Variants in LRRC7 observed in about 807,000 individuals in gnomAD.
LRRC7 encodes the protein leucine rich repeat containing 7.
In LRRC7, 23 loss-of-function variants were observed where a neutral mutation model predicts 175.7. The observed-to-expected ratio is 0.13, with a 90% CI of 0.09 to 0.19. The LOEUF (loss-of-function observed/expected upper bound fraction) is 0.19, where lower values mean the gene tolerates loss of function less well. LRRC7 is among the 10% of genes least tolerant of loss of function. The pLI is 1.00. For synonymous variants in LRRC7, 685 were observed against 680.9 expected (o/e 1.01, Z -0.09); for missense variants, 1,354 against 1,904.7 (o/e 0.71, Z 5.38).
intron 5 of LRRC7, 69 bp from the exon 6 acceptor site, chr1:69,834,711 T>A (rs1406340029): frequency 6.3e-6 from 7 of 1,105,076 alleles, no homozygotes; most frequent in South Asian, 1.3e-5. Flanking sequence ...TCCTCAGAGA[T>A]ACATATTTTT....
intron 1 of LRRC7, among the ~76,000 whole-genome samples, chr1:69,616,885 A>G (rs1649714599): frequency 6.6e-6 from 1 of 152,070 alleles, no homozygotes; most frequent in African/African-American, 2.4e-5. Flanking sequence ...ATCAAACTTC[A>G]ATGTTTTGAA....
chr1:69,763,438 C>T (rs974998731), intron 3 of LRRC7, among the ~76,000 whole-genome samples: 4 of 151,992 alleles, frequency 2.6e-5, no homozygotes, highest in African/African-American at 4.8e-5. Flanking sequence ...ATCTCATTGG[C>T]GTTAATTGTG....
intron 7 of LRRC7, among the ~76,000 whole-genome samples, chr1:69,871,536 C>T (rs1021194459): frequency 5.3e-5 from 8 of 151,816 alleles, no homozygotes; most frequent in South Asian, 4.2e-4. Context: ...AAAATATAGT[C>T]GAGTATTTAA....
Position 69,703,354 on chromosome 1 carries a change from T to TA in LRRC7, c.100+24878dup, listed in dbSNP as rs1663615560. ...CTAGTTTTACTTCATTTCATAAAAG[T>TA]AATACTATAGTTTTACATTTCTATG... On this transcript the variant is annotated intron_variant, in intron 2 of 26. Transcript: ENST00000651989. 2.0e-5 allele frequency among the ~76,000 whole-genome samples: 3 copies of TA among 152,186 alleles called. No individual in the cohort carries two copies. In the South Asian group the frequency reaches 6.2e-4, roughly 31 times the overall value.
chr1:69,926,709 G>C (rs1053389704), intron 7 of LRRC7, among the ~76,000 whole-genome samples: 1 of 152,002 alleles, frequency 6.6e-6, no homozygotes, highest in Admixed American at 6.6e-5. Flanking sequence ...TTCTCTGCAC[G>C]TGAGATGGGT....
intron 2 of LRRC7, among the ~76,000 whole-genome samples, chr1:69,724,186 T>C (rs1457536168): frequency 2.0e-5 from 3 of 152,194 alleles, no homozygotes; most frequent in Non-Finnish European, 4.4e-5. Context: ...TACTCATCTC[T>C]TAATATTGTC....
chr1:70,023,395 TAGG>T, intron 17 of LRRC7, 21 bp downstream of exon 17: 1 of 1,537,466 alleles, frequency 6.5e-7, no homozygotes, highest in Non-Finnish European at 8.8e-7. Flanking sequence ...GTGTCTGGGG[TAGG>T]AGAATCTCCC....
At chr1:69,963,268 T>A (rs997308786) in intron 8 of LRRC7, among the ~76,000 whole-genome samples, 2 of 148,646 alleles carry the variant, frequency 1.3e-5, no homozygotes, top group Non-Finnish European at 3.0e-5. Context: ...TCTGGGCCAC[T>A]GTACTCCAGC....
At chr1:69,897,269 G>A (rs1646005928) in intron 7 of LRRC7, among the ~76,000 whole-genome samples, 1 of 152,110 alleles carries the variant, frequency 6.6e-6, no homozygotes, top group African/African-American at 2.4e-5. Context: ...TCTTTTATGT[G>A]TATATATGCT....
At chr1:69,626,185 C>T (rs751686773) in intron 1 of LRRC7, among the ~76,000 whole-genome samples, 4 of 152,090 alleles carry the variant, frequency 2.6e-5, no homozygotes, top group Non-Finnish European at 5.9e-5. Context: ...TAGGGTGTAA[C>T]CCTCAGGAAC....
intron 2 of LRRC7, among the ~76,000 whole-genome samples, chr1:69,733,687 C>T (rs1431704851): frequency 6.6e-6 from 1 of 151,978 alleles, no homozygotes; most frequent in Non-Finnish European, 1.5e-5. Context: ...ACTATCAAAC[C>T]ATTCTTTGCT....
intron 7 of LRRC7, chr1:69,873,861 A>G (rs1051264531): frequency 1.9e-5 from 3 of 153,982 alleles, no homozygotes; most frequent in Non-Finnish European, 4.3e-5. Context: ...AATTGATTTC[A>G]CTATTTGTTA....
chr1:69,822,755 C>T (rs769699757), intron 4 of LRRC7, among the ~76,000 whole-genome samples: 27 of 152,156 alleles, frequency 1.8e-4, no homozygotes, highest in African/African-American at 5.5e-4. Context: ...AACTATTCTC[C>T]GTACTATCTT....
intron 7 of LRRC7, among the ~76,000 whole-genome samples, chr1:69,906,168 A>G (rs1646302586): frequency 6.6e-6 from 1 of 152,234 alleles, no homozygotes; most frequent in Non-Finnish European, 1.5e-5. Context: ...GCGCTTTGTC[A>G]GATGAGTAGG....
At chr1:69,892,548 G>A (rs1645867226) in intron 7 of LRRC7, among the ~76,000 whole-genome samples, 1 of 152,170 alleles carries the variant, frequency 6.6e-6, no homozygotes, top group Admixed American at 6.5e-5. Context: ...GAAATCGTAT[G>A]AATTACGACT....
intron 26 of LRRC7, among the ~76,000 whole-genome samples, chr1:70,113,054 A>G (rs1166543663): frequency 6.6e-6 from 1 of 152,204 alleles, no homozygotes; most frequent in Non-Finnish European, 1.5e-5. Context: ...AGGGGGAGAC[A>G]GCGAGCAAGA....
At chr1:69,862,083 G>T (rs1007861412) in intron 7 of LRRC7, among the ~76,000 whole-genome samples, 1 of 152,168 alleles carries the variant, frequency 6.6e-6, no homozygotes, top group Non-Finnish European at 1.5e-5. Context: ...GCACTGTCTA[G>T]CTTGGATGGT....
chr1:69,764,222 T>C (rs1371880531), intron 3 of LRRC7, among the ~76,000 whole-genome samples: 1 of 151,954 alleles, frequency 6.6e-6, no homozygotes, highest in Non-Finnish European at 1.5e-5. Context: ...TTGCTTGTTA[T>C]TTTGAATTAG....
chr1:69,891,233 G>A (rs1013752491), intron 7 of LRRC7, among the ~76,000 whole-genome samples: 2 of 152,152 alleles, frequency 1.3e-5, no homozygotes, highest in African/African-American at 4.8e-5. Flanking sequence ...CCTTTCACTT[G>A]AACACTTAGA....
Sources: allele counts gnomAD v4.1 joint callset (sites outside exome capture counted in the v4.1 genomes callset), GRCh38; gene constraint gnomAD v4.1.1; transcripts MANE v1.5; gene names NCBI Gene and HGNC (gene_info 2026-07-23, HGNC 2026-07-21).